The following TSPAN10 variants were observed in gnomAD, a reference collection of about 807,000 sequenced individuals.
The protein encoded by TSPAN10 is tetraspanin 10, also known as tetraspanin-10.
A neutral mutation model predicts 15.0 loss-of-function variants in TSPAN10; 11 were observed. That is an observed-to-expected ratio of 0.73 (90% CI 0.46 to 1.21). TSPAN10 has a LOEUF of 1.21. TSPAN10 is among the 50% of genes most tolerant of loss of function. TSPAN10 has a pLI of 0.00. For missense variants in TSPAN10, 486 were observed against 470.6 expected (o/e 1.03, Z -0.30); for synonymous variants, 241 against 226.2 (o/e 1.07, Z -0.59).
chr17:81,637,389 A>T lies in TSPAN10; in HGVS notation c.-10A>T, dbSNP rs139254460. Reference sequence around the variant, plus strand: ...TATAATTGGGGAAACAGCATTCCAAACTTCTCTCCATGCACAGGTAAGTAG... The same window carrying T: ...TATAATTGGGGAAACAGCATTCCAATCTTCTCTCCATGCACAGGTAAGTAG... On this transcript the variant is annotated 5_prime_UTR_variant, in exon 1 of 4. Transcript: ENST00000574882. 8 of 700,730 alleles carry T rather than the reference A, an allele frequency of 1.1e-5. No homozygotes were observed. In the Middle Eastern group the frequency reaches 6.9e-4, roughly 60 times the overall value. 43.4% of individuals were successfully genotyped at this position (700,730 alleles called of 1,614,324 possible).
exon 2 of TSPAN10, chr17:81,645,359 G>T: frequency 6.3e-7 from 1 of 1,592,538 alleles, no homozygotes; most frequent in Non-Finnish European, 8.5e-7. Flanking sequence ...AGCGCAGTGA[G>T]CCTGGCTGGC....
chr17:81,639,211 T>C (rs987904174), upstream of TSPAN10: 8 of 142,094 alleles, frequency 5.6e-5, no homozygotes, highest in African/African-American at 2.1e-4. Flanking sequence ...TTTTCTTTTT[T>C]TTTTTTTTTT....
chr17:81,641,976 C>T (rs890289693), upstream of TSPAN10, among the ~76,000 whole-genome samples: 1 of 152,098 alleles, frequency 6.6e-6, no homozygotes, highest in African/African-American at 2.4e-5. Context: ...GCCCATGGGT[C>T]TCTTGGGATT....
At chr17:81,637,248 G>C in exon 1 of TSPAN10, 1 of 512,860 alleles carries the variant, frequency 1.9e-6, no homozygotes, top group South Asian at 2.6e-5. Flanking sequence ...TTGCGTCTGA[G>C]ATTACTTCTG....
exon 1 of TSPAN10, chr17:81,637,390 C>T: frequency 1.4e-6 from 1 of 700,638 alleles, no homozygotes; most frequent in Non-Finnish European, 2.6e-6. Flanking sequence ...GCATTCCAAA[C>T]TTCTCTCCAT....
At chr17:81,643,059 C>T (rs1311248822) in intron 1 of TSPAN10, among the ~76,000 whole-genome samples, 1 of 150,018 alleles carries the variant, frequency 6.7e-6, no homozygotes, top group Admixed American at 6.6e-5. Context: ...GGCTGGAGTG[C>T]AGTGGCACAA....
At chr17:81,645,744 T>TGG in intron 2 of TSPAN10, 115 bp downstream of exon 3, 2 of 1,318,500 alleles carry the variant, frequency 1.5e-6, no homozygotes, top group Non-Finnish European at 2.1e-6. Flanking sequence ...CATGCCCACA[T>TGG]GCATGCACAC....
chr17:81,647,987 T>A lies in TSPAN10; in HGVS notation c.761T>A (p.Val254Asp). ...GACCCCCGCGAAGATGGAGCCTCTG[T>A]CAACGACCAGTGCGGCTTCGGGGTC... The change falls in exon 3 of 3, where the codon GTC becomes GAC. Residue 254 changes from valine (V) to aspartate (D), a missense_variant. Physicochemically the swap from Val to Asp is radical, Grantham distance 152. Coordinates refer to ENST00000611590, the Ensembl canonical transcript of TSPAN10. 1.9e-6 allele frequency: 3 copies of A among 1,611,454 alleles called. No individual in the cohort carries two copies. The South Asian group carries it at 3.3e-5, about 18-fold the overall frequency.
chr17:81,640,856 T>C (rs1405348092), upstream of TSPAN10, among the ~76,000 whole-genome samples: 1 of 152,122 alleles, frequency 6.6e-6, no homozygotes, highest in Non-Finnish European at 1.5e-5. Flanking sequence ...CAGTGGTAGA[T>C]GATGATCGTT....
At chr17:81,642,275 C>A, upstream of TSPAN10, 1 of 903,552 alleles carries the variant, frequency 1.1e-6, no homozygotes, top group Non-Finnish European at 1.8e-6. Flanking sequence ...GCACCTCCCC[C>A]ATTCCCATGC....
chr17:81,646,844 GGTTT>G (rs202083609), intron 2 of TSPAN10, among the ~76,000 whole-genome samples: 6,757 of 60,916 alleles, frequency 0.11, 257 homozygotes, highest in East Asian at 0.56. Context: ...TCTTTTTGTT[GGTTT>G]GTTTGTTTGT....
exon 2 of TSPAN10, chr17:81,645,626 A>C: frequency 6.2e-7 from 1 of 1,612,070 alleles, no homozygotes. Flanking sequence ...TGGCAGCAGA[A>C]CCTGTGAGTC....
intron 1 of TSPAN10, 76 bp from the exon 3 acceptor site, chr17:81,644,916 C>G (rs1383447747): frequency 6.3e-7 from 1 of 1,578,042 alleles, no homozygotes; most frequent in African/African-American, 1.4e-5. Flanking sequence ...TGCCACCATG[C>G]TCTTCCCTGA....
intron 1 of TSPAN10, among the ~76,000 whole-genome samples, chr17:81,643,278 A>T (rs1279410075): frequency 6.8e-6 from 1 of 146,574 alleles, no homozygotes; most frequent in African/African-American, 2.5e-5. Flanking sequence ...GATTACAGGC[A>T]TGAGCCACCG....
chr17:81,641,264 A>T (rs1426938991), upstream of TSPAN10, among the ~76,000 whole-genome samples: 1 of 152,080 alleles, frequency 6.6e-6, no homozygotes. Flanking sequence ...TGCAGGGCCC[A>T]TGAGGTTGGG....
chr17:81,638,716 C>G (rs936419816), upstream of TSPAN10: 1 of 151,984 alleles, frequency 6.6e-6, no homozygotes, highest in African/African-American at 2.4e-5. Flanking sequence ...TGTGCTGAGT[C>G]GGTTCCTGGG....
At chr17:81,645,109 A>C (rs1227030871) in exon 2 of TSPAN10, 14 of 1,587,492 alleles carry the variant, frequency 8.8e-6, no homozygotes, top group Non-Finnish European at 1.2e-5. Context: ...TCCCCCGGAG[A>C]CCAAGCACCA....
exon 3 of TSPAN10, chr17:81,648,150 G>T: frequency 6.7e-7 from 1 of 1,481,894 alleles, no homozygotes; most frequent in Non-Finnish European, 8.9e-7. Context: ...AGGGCGCGGA[G>T]CTCCTGCTGG....
upstream of TSPAN10, among the ~76,000 whole-genome samples, chr17:81,641,722 C>T (rs1016002062): frequency 5.3e-5 from 8 of 149,946 alleles, no homozygotes; most frequent in East Asian, 1.2e-3. Flanking sequence ...TCAAGACCAG[C>T]CTGGGCAGCA....
Sources: gnomAD v4.1 joint callset for allele counts (sites outside exome capture counted in the v4.1 genomes callset) on GRCh38, gnomAD v4.1.1 for gene constraint, MANE v1.5 for transcripts, NCBI Gene and HGNC (gene_info 2026-07-23, HGNC 2026-07-21) for gene names.